EFHC1: variants seen among roughly 807,000 people sequenced by gnomAD.
EFHC1 encodes the protein EF-hand domain containing 1.
EFHC1 carries 53 observed loss-of-function variants against 69.9 expected under a neutral mutation model. That is an observed-to-expected ratio of 0.76 (90% CI 0.61 to 0.95). The LOEUF (loss-of-function observed/expected upper bound fraction) is 0.95. EFHC1 is among the 40% of genes least tolerant of loss of function. The pLI is 0.00. For missense variants in EFHC1, 739 were observed against 798.7 expected (o/e 0.93, Z 0.90); for synonymous variants, 256 against 278.4 (o/e 0.92, Z 0.80).
Position 52,469,315 on chromosome 6 carries a change from C to T in EFHC1, c.1138-18C>T. 6.2e-7 allele frequency: 1 copy of T among 1,613,842 alleles called. No homozygotes were observed. Among genetic ancestry groups the T allele is most frequent in the Non-Finnish European group, 8.5e-7 (1 of 1,179,858 alleles). ...CAAGTAGTATCTGCCTTACTTCTTG[C>T]TTCCTATGTATCTCCAGGAGTTGCC... On this transcript the variant is annotated intron_variant, in intron 6 of 10. Transcript: ENST00000371068.
rs767616317 is a variant in EFHC1 at position 52,493,094 on chromosome 6, C to T, written c.*753C>T. ...CCTTTCCCCAGGTAAGAGAATTCCT[C>T]CTGCCTGACTGGCTTCAAATTGGAA... On this transcript the variant is annotated 3_prime_UTR_variant, in exon 11 of 11. Coordinates refer to ENST00000371068, the MANE Select transcript of EFHC1 (RefSeq NM_018100.4). The T allele has an allele frequency of 9.9e-5, 45 of 453,924 alleles. No individual in the cohort carries two copies. The highest frequency in any genetic ancestry group is 5.6e-4 in the South Asian group (36 of 64,482). 28.1% of individuals were successfully genotyped at this position (453,924 alleles called of 1,614,324 possible). A position where few individuals can be genotyped will look rare whatever the true frequency, so the allele number is the denominator to read the frequency against.
chr6:52,490,152 A>C lies in EFHC1; in HGVS notation c.1653A>C (p.Glu551Asp). 6.2e-7 allele frequency: 1 copy of C among 1,614,000 alleles called. No homozygotes were observed. Among genetic ancestry groups the C allele is most frequent in the Non-Finnish European group, 8.5e-7 (1 of 1,179,946 alleles). ...PAPEAESKQT[E>D]KDPGVQELEA... ...CCTTTCTCTACAGCAAGCAAACTGA[A>C]AAGGATCCAGGCGTGCAGGAATTGG... Residue 551 changes from glutamate to aspartate, a missense_variant, in exon 10 of 11, where the codon GAA becomes GAC. Coordinates refer to ENST00000371068, the MANE Select transcript of EFHC1 (RefSeq NM_018100.4).
intron 5 of EFHC1, among the ~76,000 whole-genome samples, chr6:52,461,917 C>T (rs1257542223): frequency 1.3e-5 from 2 of 151,930 alleles, no homozygotes; most frequent in Non-Finnish European, 2.9e-5. Context: ...AACTTGAATG[C>T]AGTAATAACA....
At position 52,463,194 on chromosome 6, in the gene EFHC1, A is replaced by ATTTT. The variant is rs35702967; in HGVS notation, c.917-1687_917-1684dup. Reference sequence around the variant, plus strand: ...AGGTGCCCGCCACCACACCCAGCTAATTTTTTTTTTTTTTTTTGTATTTTT... The same window carrying ATTTT: ...AGGTGCCCGCCACCACACCCAGCTAATTTTTTTTTTTTTTTTTTTTTGTATTTTT... On this transcript the variant is annotated intron_variant, in intron 5 of 10. Coordinates refer to ENST00000371068, the MANE Select transcript of EFHC1 (RefSeq NM_018100.4). Among the ~76,000 whole-genome samples, 62 of 132,974 alleles carry ATTTT rather than the reference A, an allele frequency of 4.7e-4. 1 individual carries two copies. The South Asian group carries it at 0.015, about 32-fold the overall frequency. The allele number at this position is 132,974 out of a possible 152,430, so 87.2% of individuals were successfully genotyped here. A position where few individuals can be genotyped will look rare whatever the true frequency, so the allele number is the denominator to read the frequency against.
chr6:52,485,920 C>T (rs931488084), intron 9 of EFHC1: 37 of 152,154 alleles, frequency 2.4e-4, no homozygotes, highest in Non-Finnish European at 4.4e-5. Context: ...AGATCCATTG[C>T]CATCCTCATT....
At position 52,494,449 on chromosome 6, in the gene EFHC1, C is replaced by T. The variant is rs1765995167; in HGVS notation, c.*2108C>T. 1 of 454,110 alleles carries T rather than the reference C, an allele frequency of 2.2e-6. No individual in the cohort carries two copies. The highest frequency in any genetic ancestry group is 2.0e-5 in the African/African-American group (1 of 50,126). 28.1% of individuals were successfully genotyped at this position (454,110 alleles called of 1,614,324 possible). On this transcript the variant is annotated 3_prime_UTR_variant, in exon 11 of 11. Coordinates refer to ENST00000371068, the MANE Select transcript of EFHC1 (RefSeq NM_018100.4). ...TGCTGCTGTTTCTAGCCCATGTAGG[C>T]TCTGGGAAAGGTTAAGCGGGTAGAA...
At chr6:52,459,926 G>A (rs1765126576) in intron 5 of EFHC1, among the ~76,000 whole-genome samples, 1 of 152,090 alleles carries the variant, frequency 6.6e-6, no homozygotes, top group African/African-American at 2.4e-5. Context: ...CACCCGCCTC[G>A]GCCTCCCAAA....
chr6:52,446,157 G>T (rs1042272878), intron 3 of EFHC1, among the ~76,000 whole-genome samples: 1 of 152,112 alleles, frequency 6.6e-6, no homozygotes, highest in African/African-American at 2.4e-5. Flanking sequence ...GTTGACAGTG[G>T]GGTGTTAAAG....
intron 6 of EFHC1, among the ~76,000 whole-genome samples, chr6:52,465,359 A>G (rs1234721896): frequency 2.0e-5 from 3 of 152,190 alleles, no homozygotes; most frequent in African/African-American, 7.2e-5. Flanking sequence ...TAAAAGATTC[A>G]TGATATCCAG....
At chr6:52,483,509 C>G (rs1765723160) in intron 9 of EFHC1, 2 of 152,172 alleles carry the variant, frequency 1.3e-5, no homozygotes, top group South Asian at 4.1e-4. Flanking sequence ...GGCATTGTGC[C>G]CAGAATTGTA....
At chr6:52,474,710 T>G (rs1765508891) in intron 7 of EFHC1, among the ~76,000 whole-genome samples, 1 of 152,198 alleles carries the variant, frequency 6.6e-6, no homozygotes, top group South Asian at 2.1e-4. Flanking sequence ...CTAAATCACA[T>G]AAACATAATT....
Position 52,495,697 on chromosome 6 carries a change from T to C in EFHC1, c.*3356T>C, listed in dbSNP as rs1457020327. ...TCAAACTCCTGGGCTCATGCAATCC[T>C]CCTGCCTCAGCCTTCTGAGTAGCTA... is the stretch of plus-strand genomic sequence containing the variant. On this transcript the variant is annotated 3_prime_UTR_variant, in exon 11 of 11. Coordinates refer to ENST00000371068, the MANE Select transcript of EFHC1 (RefSeq NM_018100.4). 2.4e-6 allele frequency: 1 copy of C among 423,230 alleles called. No homozygotes were observed. Among genetic ancestry groups the C allele is most frequent in the Non-Finnish European group, 4.7e-6 (1 of 211,464 alleles). 26.2% of individuals were successfully genotyped at this position (423,230 alleles called of 1,614,324 possible).
chr6:52,424,283 T>G, intron 2 of EFHC1, 116 bp downstream of exon 2: 1 of 987,406 alleles, frequency 1.0e-6, no homozygotes, highest in Non-Finnish European at 1.6e-6. Context: ...AGAAAATTGT[T>G]CAGATGCCTT....
At chr6:52,450,829 C>T (rs763755311) in intron 3 of EFHC1, among the ~76,000 whole-genome samples, 1 of 152,038 alleles carries the variant, frequency 6.6e-6, no homozygotes, top group Non-Finnish European at 1.5e-5. Context: ...GACAGAATCT[C>T]ACTTTGTCAC....
At chr6:52,478,955 C>A in intron 7 of EFHC1, 82 bp from the exon 8 acceptor site, 1 of 1,274,996 alleles carries the variant, frequency 7.8e-7, no homozygotes, top group Non-Finnish European at 1.1e-6. Context: ...ATATCCTATA[C>A]CTGGCCCCTA....
chr6:52,459,713 C>T (rs935414067), intron 5 of EFHC1, among the ~76,000 whole-genome samples: 1 of 151,252 alleles, frequency 6.6e-6, no homozygotes. Context: ...CTCGCTTTGT[C>T]GCCCAGGCTG....
chr6:52,471,501 A>G (rs545635562), intron 7 of EFHC1, among the ~76,000 whole-genome samples: 3 of 152,364 alleles, frequency 2.0e-5, no homozygotes, highest in East Asian at 1.9e-4. Flanking sequence ...ACAAGATAAC[A>G]TAAAGAAAAG....
intron 9 of EFHC1, chr6:52,485,552 A>T (rs911021041): frequency 2.0e-5 from 3 of 152,146 alleles, no homozygotes; most frequent in Admixed American, 2.0e-4. Context: ...GATGGGCCTC[A>T]TGGAAGGTGT....
chr6:52,461,003 T>G (rs550843394), intron 5 of EFHC1, among the ~76,000 whole-genome samples: 1 of 152,296 alleles, frequency 6.6e-6, no homozygotes, highest in South Asian at 2.1e-4. Context: ...AATATCAAAG[T>G]AGAACTGACA....
Sources: allele counts gnomAD v4.1 joint callset (sites outside exome capture counted in the v4.1 genomes callset), GRCh38; gene constraint gnomAD v4.1.1; transcripts MANE v1.5; gene names NCBI Gene and HGNC (gene_info 2026-07-23, HGNC 2026-07-21).